LRMDA: variants seen among roughly 807,000 people sequenced by gnomAD.
The protein encoded by LRMDA is leucine rich melanocyte differentiation associated.
LRMDA carries 18 observed loss-of-function variants against 29.8 expected under a neutral mutation model. The ratio of observed to expected loss-of-function variants is 0.60; its 90% confidence interval spans 0.42 to 0.90. LRMDA has a LOEUF of 0.90. LRMDA is among the 40% of genes least tolerant of loss of function. The pLI is 0.00. For synonymous variants in LRMDA, 125 were observed against 109.4 expected, an observed-to-expected ratio of 1.14 and a Z score of -0.89; for missense variants, 273 against 273.9, an observed-to-expected ratio of 1.00 and a Z score of 0.02.
intron 5 of LRMDA, among the ~76,000 whole-genome samples, chr10:76,092,761 C>G (rs1382047504): frequency 6.6e-6 from 1 of 152,142 alleles, no homozygotes; most frequent in East Asian, 1.9e-4. Context: ...GATGGCAGTG[C>G]CTAATATGTA....
chr10:76,338,701 T>TAAAA (rs10676765), intron 6 of LRMDA, among the ~76,000 whole-genome samples: 62 of 150,912 alleles, frequency 4.1e-4, no homozygotes, highest in African/African-American at 1.3e-3. Flanking sequence ...CAGATTTGGT[T>TAAAA]AAAAAAAAAT....
intron 5 of LRMDA, among the ~76,000 whole-genome samples, chr10:76,212,460 T>G (rs1043229955): frequency 1.2e-4 from 18 of 152,150 alleles, no homozygotes; most frequent in Non-Finnish European, 2.1e-4. Context: ...CCCTTTTTTT[T>G]GGAAGGAAGT....
rs1476402892 is a variant in LRMDA, at chr10:75,877,380, C to T, written c.132-158628C>T. ...CAAAGCATCTTCCCGAACTGAAATA[C>T]CAGAGCTGACATAGTCTCTCAATTC... is the stretch of plus-strand genomic sequence containing the variant. On this transcript the variant is annotated intron_variant, in intron 2 of 6. Coordinates refer to ENST00000611255, the MANE Select transcript of LRMDA (RefSeq NM_001305581.2). Among the ~76,000 whole-genome samples the T allele has an allele frequency of 7.2e-5, 11 of 152,290 alleles. No homozygotes were observed. The South Asian group carries it at 2.3e-3, about 32-fold the overall frequency.
chr10:75,615,873 A>G (rs957079736), intron 2 of LRMDA, among the ~76,000 whole-genome samples: 7 of 152,186 alleles, frequency 4.6e-5, no homozygotes, highest in Admixed American at 1.3e-4. Context: ...GTCACAGGAA[A>G]TGATTTTAGG....
intron 5 of LRMDA, among the ~76,000 whole-genome samples, chr10:76,126,787 T>C (rs1471498489): frequency 6.6e-6 from 1 of 152,210 alleles, no homozygotes; most frequent in East Asian, 1.9e-4. Context: ...AGTTGCATGT[T>C]AAAAACCACA....
intron 2 of LRMDA, among the ~76,000 whole-genome samples, chr10:75,473,101 G>C (rs2132047243): frequency 6.6e-6 from 1 of 152,356 alleles, no homozygotes; most frequent in Admixed American, 6.5e-5. Flanking sequence ...AGAGAGAGCT[G>C]TTTTGACACC....
intron 6 of LRMDA, among the ~76,000 whole-genome samples, chr10:76,342,802 T>G (rs956880624): frequency 6.6e-6 from 1 of 152,152 alleles, no homozygotes; most frequent in African/African-American, 2.4e-5. Flanking sequence ...CCAGAAGAGA[T>G]AGAAGATTGA....
chr10:75,831,048 C>CT (rs79078199), intron 2 of LRMDA, among the ~76,000 whole-genome samples: 229 of 144,076 alleles, frequency 1.6e-3, no homozygotes, highest in Middle Eastern at 3.5e-3. Context: ...GAAGTCAAAT[C>CT]TTTTTTTTTT....
At chr10:75,879,300 G>C (rs1845254140) in intron 2 of LRMDA, among the ~76,000 whole-genome samples, 1 of 152,202 alleles carries the variant, frequency 6.6e-6, no homozygotes, top group African/African-American at 2.4e-5. Flanking sequence ...GGCTGCTGCA[G>C]AATTTTGCTT....
chr10:76,495,928 A>T (rs1395624960), intron 6 of LRMDA, among the ~76,000 whole-genome samples: 1 of 42,316 alleles, frequency 2.4e-5, no homozygotes, highest in East Asian at 3.8e-4. Flanking sequence ...GAAGTGTTTT[A>T]TATAGACAAT....
At chr10:76,538,724 C>T (rs1843320133) in intron 6 of LRMDA, among the ~76,000 whole-genome samples, 1 of 151,916 alleles carries the variant, frequency 6.6e-6, no homozygotes, top group Non-Finnish European at 1.5e-5. Flanking sequence ...TATAAAAAGG[C>T]AGGCATTGAA....
chr10:76,428,386 G>A (rs1047070093), intron 6 of LRMDA, among the ~76,000 whole-genome samples: 2 of 152,022 alleles, frequency 1.3e-5, no homozygotes, highest in African/African-American at 2.4e-5. Context: ...AGGCCCATCT[G>A]TGGAGATTGA....
chr10:76,235,954 C>G (rs540976881), intron 5 of LRMDA, among the ~76,000 whole-genome samples: 1 of 152,166 alleles, frequency 6.6e-6, no homozygotes, highest in East Asian at 1.9e-4. Flanking sequence ...GTAACCAGCT[C>G]GAAATATGCC....
intron 2 of LRMDA, among the ~76,000 whole-genome samples, chr10:75,713,748 A>T (rs1842465251): frequency 6.6e-6 from 1 of 152,076 alleles, no homozygotes; most frequent in Non-Finnish European, 1.5e-5. Flanking sequence ...GTATTTTAGG[A>T]TTGATGCTGA....
intron 5 of LRMDA, among the ~76,000 whole-genome samples, chr10:76,148,568 C>A (rs906738512): frequency 1.3e-5 from 2 of 152,098 alleles, no homozygotes; most frequent in Non-Finnish European, 2.9e-5. Context: ...GGGAGTGACC[C>A]GATTTTCTAG....
intron 5 of LRMDA, among the ~76,000 whole-genome samples, chr10:76,323,987 A>G (rs2132397618): frequency 6.6e-6 from 1 of 152,284 alleles, no homozygotes; most frequent in Admixed American, 6.5e-5. Flanking sequence ...GGTTTTCCCC[A>G]TTTATCCTGG....
At chr10:75,757,409 G>T (rs1205196710) in intron 2 of LRMDA, among the ~76,000 whole-genome samples, 1 of 152,174 alleles carries the variant, frequency 6.6e-6, no homozygotes, top group Non-Finnish European at 1.5e-5. Flanking sequence ...CACACCTGCT[G>T]CAGGGAGGTT....
At chr10:76,295,514 A>G (rs1006328181) in intron 5 of LRMDA, among the ~76,000 whole-genome samples, 10 of 152,198 alleles carry the variant, frequency 6.6e-5, no homozygotes, top group Non-Finnish European at 1.2e-4. Context: ...TACCAGGCAC[A>G]GTTTGAGTTT....
At chr10:75,676,727 T>G (rs1266621641) in intron 2 of LRMDA, among the ~76,000 whole-genome samples, 3 of 152,210 alleles carry the variant, frequency 2.0e-5, no homozygotes, top group African/African-American at 7.2e-5. Flanking sequence ...CTTAGGTAAA[T>G]TCTCTGAAGG....
Sources: allele counts gnomAD v4.1 joint callset (sites outside exome capture counted in the v4.1 genomes callset), GRCh38; gene constraint gnomAD v4.1.1; transcripts MANE v1.5; gene names NCBI Gene and HGNC (gene_info 2026-07-23, HGNC 2026-07-21).